Variants in KIAA0232 observed in about 807,000 individuals in gnomAD.
The protein encoded by KIAA0232 is uncharacterized protein KIAA0232.
In KIAA0232, 27 loss-of-function variants were observed where a neutral mutation model predicts 122.0. That is an observed-to-expected ratio of 0.22 (90% confidence interval 0.16 to 0.31). The LOEUF is 0.31. Ranked by LOEUF, KIAA0232 falls within the 10% of genes least tolerant of loss-of-function variation. The probability of loss-of-function intolerance (pLI) is 1.00; values close to 1 mark genes in which losing one functional copy is unlikely to be tolerated. For synonymous variants in KIAA0232, 613 were observed against 587.6 expected (o/e 1.04, Z -0.63); for missense variants, 1,551 against 1,634.2 (o/e 0.95, Z 0.88).
intron 4 of KIAA0232, among the ~76,000 whole-genome samples, chr4:6,856,127 G>A (rs998471311): frequency 2.0e-5 from 3 of 152,124 alleles, no homozygotes; most frequent in East Asian, 1.9e-4. Context: ...CTGTGTAACC[G>A]TGGGATTTCT....
chr4:6,792,366 C>G (rs1002816476), intron 1 of KIAA0232, among the ~76,000 whole-genome samples: 5 of 151,960 alleles, frequency 3.3e-5, no homozygotes, highest in African/African-American at 1.2e-4. Context: ...CATGAGTAAC[C>G]ACCTTACTCT....
intron 1 of KIAA0232, among the ~76,000 whole-genome samples, chr4:6,789,291 C>T (rs558629941): frequency 2.6e-4 from 36 of 138,612 alleles, no homozygotes; most frequent in South Asian, 2.3e-3. Flanking sequence ...TTTTTTTTCC[C>T]GAGACTGAGT....
chr4:6,844,229 C>T (rs1392935455), intron 4 of KIAA0232, among the ~76,000 whole-genome samples: 2 of 151,848 alleles, frequency 1.3e-5, no homozygotes, highest in Non-Finnish European at 2.9e-5. Flanking sequence ...CGTGAGCCAC[C>T]GCACCCGACC....
chr4:6,870,489 G>C (rs1721416485), intron 7 of KIAA0232, among the ~76,000 whole-genome samples: 1 of 152,198 alleles, frequency 6.6e-6, no homozygotes, highest in Non-Finnish European at 1.5e-5. Context: ...AGACACTTAG[G>C]TCAATAACTG....
chr4:6,819,480 A>G lies in KIAA0232; in HGVS notation c.-269-4705A>G, dbSNP rs922346233. ...GACAATTTTCAAAAGAAGACATACA[A>G]GCAGCCAACAAATGTATAAAAAAAG... On this transcript the variant is annotated intron_variant, in intron 2 of 9. Coordinates refer to ENST00000307659, the MANE Select transcript of KIAA0232 (RefSeq NM_014743.3). Among the ~76,000 whole-genome samples the G allele has an allele frequency of 3.9e-5, 6 of 152,326 alleles. No homozygotes were observed. The Middle Eastern group carries it at 0.01, about 259-fold the overall frequency.
chr4:6,831,212 C>T (rs938756530), intron 3 of KIAA0232, among the ~76,000 whole-genome samples: 8 of 152,132 alleles, frequency 5.3e-5, no homozygotes, highest in Middle Eastern at 3.4e-3. Flanking sequence ...CGCGCCACCA[C>T]GCCCAGCTAA....
intron 1 of KIAA0232, among the ~76,000 whole-genome samples, chr4:6,784,043 T>A (rs957846233): frequency 6.6e-6 from 1 of 152,100 alleles, no homozygotes; most frequent in African/African-American, 2.4e-5. Context: ...TGTCTTGATT[T>A]CTTTTTTGCC....
chr4:6,859,827 C>T (rs55775476), intron 6 of KIAA0232, among the ~76,000 whole-genome samples: 4 of 152,214 alleles, frequency 2.6e-5, no homozygotes, highest in Non-Finnish European at 5.9e-5. Flanking sequence ...CTGTTCTGCT[C>T]TGAAATCTTC....
intron 1 of KIAA0232, among the ~76,000 whole-genome samples, chr4:6,786,978 T>A (rs918182722): frequency 5.9e-5 from 9 of 151,392 alleles, no homozygotes; most frequent in Non-Finnish European, 1.2e-4. Flanking sequence ...GTCAAGAGAG[T>A]GAGACCATCC....
In KIAA0232 at chr4:6,879,827, C is replaced by T. The variant is rs1390574271; in HGVS notation, c.4009-960C>T. 6.3e-3 allele frequency among the ~76,000 whole-genome samples: 72 copies of T among 11,488 alleles called. 2 individuals are homozygous for T. The highest frequency in any genetic ancestry group is 8.0e-3 in the Non-Finnish European group (30 of 3,770). The allele number at this position is 11,488 out of a possible 152,430, so 7.5% of individuals were successfully genotyped here. A position where few individuals can be genotyped will look rare whatever the true frequency, so the allele number is the denominator to read the frequency against. On this transcript the variant is annotated intron_variant, in intron 9 of 9. Coordinates refer to ENST00000307659, the MANE Select transcript of KIAA0232 (RefSeq NM_014743.3). ...TCCCAACACACCCATCTGCAGTGCCCCCCCTCACCATCTGTACTGTGTCAC... is the reference window on the plus strand; with the variant it reads ...TCCCAACACACCCATCTGCAGTGCCTCCCCTCACCATCTGTACTGTGTCAC...
Position 6,863,604 on chromosome 4 carries a change from A to G in KIAA0232, c.3222A>G (p.Ser1074=). The G allele has an allele frequency of 6.2e-7, 1 of 1,614,142 alleles. No homozygotes were observed. The highest frequency in any genetic ancestry group is 8.5e-7 in the Non-Finnish European group (1 of 1,180,018). The change falls in exon 7 of 10, where the codon TCA becomes TCG. Residue 1074 remains serine (S), a synonymous_variant. Transcript: ENST00000307659. ...TCAGCCCCAGTTTTAAACCGAAATC[A>G]ATCCTCTGTTCTGATTCAGACAGTG... is the stretch of plus-strand genomic sequence containing the variant. The part of the protein sequence containing the change: ...ASFSPSFKPK[S]ILCSDSDSEV...
intron 2 of KIAA0232, among the ~76,000 whole-genome samples, chr4:6,816,803 T>A (rs942306738): frequency 2.0e-5 from 3 of 152,230 alleles, no homozygotes; most frequent in Non-Finnish European, 4.4e-5. Flanking sequence ...TCATTCTGTT[T>A]CTTCTTGAGT....
At chr4:6,850,167 G>A (rs1720199102) in intron 4 of KIAA0232, among the ~76,000 whole-genome samples, 1 of 152,190 alleles carries the variant, frequency 6.6e-6, no homozygotes, top group Non-Finnish European at 1.5e-5. Context: ...CATGCGTGGG[G>A]TTAGGGGCTG....
chr4:6,873,582 G>T (rs1721607963), intron 8 of KIAA0232, among the ~76,000 whole-genome samples: 1 of 152,152 alleles, frequency 6.6e-6, no homozygotes, highest in Non-Finnish European at 1.5e-5. Context: ...CTTTAGTAAA[G>T]GGCAACCTTA....
chr4:6,864,035 C>A lies in KIAA0232; in HGVS notation c.3653C>A (p.Ser1218Tyr). The A allele has an allele frequency of 2.5e-6, 4 of 1,614,096 alleles. No individual in the cohort carries two copies. The highest frequency in any genetic ancestry group is 3.4e-6 in the Non-Finnish European group (4 of 1,180,002). The change falls in exon 7 of 10, where the codon TCC becomes TAC. Residue 1218 changes from serine (S) to tyrosine (Y), a missense_variant. Physicochemically the swap from Ser to Tyr is moderately radical, Grantham distance 144 (BLOSUM62 -2). Coordinates refer to ENST00000307659, the MANE Select transcript of KIAA0232 (RefSeq NM_014743.3). ...NQCLECSMNE[S>Y]LEIDLESSEA... ...TGTTTGGAATGTAGCATGAATGAATCCCTGGAAATAGATTTAGAAAGCTCA... is the reference window on the plus strand; with the variant it reads ...TGTTTGGAATGTAGCATGAATGAATACCTGGAAATAGATTTAGAAAGCTCA...
intron 8 of KIAA0232, among the ~76,000 whole-genome samples, chr4:6,872,347 G>A (rs922871200): frequency 1.3e-5 from 2 of 152,222 alleles, no homozygotes; most frequent in Non-Finnish European, 2.9e-5. Flanking sequence ...AAACAGGACC[G>A]AGAGGTTTTG....
chr4:6,854,785 G>A (rs1252593833), intron 4 of KIAA0232, among the ~76,000 whole-genome samples: 1 of 152,172 alleles, frequency 6.6e-6, no homozygotes, highest in African/African-American at 2.4e-5. Context: ...CTTCCTTAGA[G>A]TTGTTATTAA....
At chr4:6,838,727 CTTTTT>C (rs749354748) in intron 3 of KIAA0232, among the ~76,000 whole-genome samples, 6 of 108,240 alleles carry the variant, frequency 5.5e-5, no homozygotes, top group East Asian at 2.6e-4. Context: ...TTCAAAGCAG[CTTTTT>C]TTTTTTTTTT....
rs748327881 is a variant in KIAA0232, at chr4:6,861,078, C to G, written c.696C>G (p.Thr232=). 2 of 1,613,930 alleles carry G rather than the reference C, an allele frequency of 1.2e-6. No homozygotes were observed. Among genetic ancestry groups the G allele is most frequent in the African/African-American group, 2.7e-5 (2 of 74,852 alleles). Residue 232 remains threonine, a synonymous_variant, in exon 7 of 10, where the codon ACC becomes ACG. Coordinates refer to ENST00000307659, the MANE Select transcript of KIAA0232 (RefSeq NM_014743.3). ...ACTGCAACAGTGAAAGTGAAGTCAC[C>G]AAGGAAAGAAGCAGTGAAGTACCCA... The part of the protein sequence containing the change: ...PKDCNSESEV[T]KERSSEVPTT...
Sources: gnomAD v4.1 joint callset for allele counts (sites outside exome capture counted in the v4.1 genomes callset) on GRCh38, gnomAD v4.1.1 for gene constraint, MANE v1.5 for transcripts, NCBI Gene and HGNC (gene_info 2026-07-23, HGNC 2026-07-21) for gene names.